The following ARHGAP9 variants were observed in gnomAD, a reference collection of about 807,000 sequenced individuals.
ARHGAP9 encodes Rho GTPase activating protein 9, also known as rho GTPase-activating protein 9.
ARHGAP9 carries 76 observed loss-of-function variants against 87.3 expected under a neutral mutation model. The observed-to-expected ratio is 0.87, with a 90% CI of 0.72 to 1.05. ARHGAP9 has a LOEUF of 1.05. Ranked by LOEUF, ARHGAP9 falls within the 50% of genes least tolerant of loss-of-function variation. ARHGAP9 has a pLI of 0.00. For synonymous variants in ARHGAP9, 382 were observed against 394.9 expected, an observed-to-expected ratio of 0.97 and a Z score of 0.39; for missense variants, 941 against 960.5, an observed-to-expected ratio of 0.98 and a Z score of 0.27.
At position 57,486,203 on chromosome 12, in the gene ARHGAP9, C is replaced by A. The variant is rs118120417; in HGVS notation, c.-203-2240G>T. ...AAAGATGAATAAGAAGCGTCCCTTT[C>A]TCAATAACAGGTATGTGCTTCCTTG... On this transcript the variant is annotated intron_variant, in intron 1 of 20. Transcript: ENST00000393797. Among the ~76,000 whole-genome samples the A allele has an allele frequency of 2.6e-3, 398 of 152,242 alleles. 14 individuals are homozygous for A. In the East Asian group the frequency reaches 0.061, roughly 23 times the overall value.
intron 1 of ARHGAP9, chr12:57,488,284 C>G (rs1875612502): frequency 3.1e-6 from 4 of 1,310,492 alleles, no homozygotes; most frequent in African/African-American, 2.9e-5. Flanking sequence ...TTGCCAAACC[C>G]CTAGCCCTCG....
intron 1 of ARHGAP9, chr12:57,488,162 C>A (rs1320124519): frequency 6.2e-7 from 1 of 1,614,146 alleles, no homozygotes; most frequent in African/African-American, 1.3e-5. Context: ...GAGCCCGGGG[C>A]AGAGCAGAGG....
At chr12:57,488,578 C>G in intron 1 of ARHGAP9, 1 of 1,550,966 alleles carries the variant, frequency 6.4e-7, no homozygotes, top group Non-Finnish European at 8.7e-7. Context: ...CCTCTCTCCC[C>G]TCCTAACACA....
chr12:57,473,298 A>G (rs1457046044), intron 17 of ARHGAP9, among the ~76,000 whole-genome samples: 1 of 152,130 alleles, frequency 6.6e-6, no homozygotes, highest in East Asian at 1.9e-4. Flanking sequence ...CTGTAATCCC[A>G]GTTACTCAGG....
chr12:57,478,622 C>G lies in ARHGAP9; in HGVS notation c.452G>C (p.Ser151Thr). 1 of 1,614,102 alleles carries G rather than the reference C, an allele frequency of 6.2e-7. No individual in the cohort carries two copies. The highest frequency in any genetic ancestry group is 8.5e-7 in the Non-Finnish European group (1 of 1,180,018). ...RSVSTDNLSP[S>T]LLKPFQEGPS... ...TCCTTCCTGGAAAGGCTTCAGAAGG[C>G]TGGGGCTCAGATTGTCAGTGCTGAC... Residue 151 changes from serine to threonine, a missense_variant, in exon 3 of 18, where the codon AGC becomes ACC. Physicochemically the swap from Ser to Thr is moderately conservative, Grantham distance 58. Coordinates refer to ENST00000393791, the MANE Select transcript of ARHGAP9 (RefSeq NM_032496.4).
chr12:57,476,783 G>A (rs1322866498), intron 6 of ARHGAP9, 88 bp downstream of exon 6: 21 of 1,241,354 alleles, frequency 1.7e-5, no homozygotes, highest in Non-Finnish European at 2.4e-5. Context: ...AGGATATTCA[G>A]AAAGAGGAAG....
Position 57,477,579 on chromosome 12 carries a change from C to G in ARHGAP9, c.636G>C (p.Leu212=), listed in dbSNP as rs1874219639. Residue 212 remains leucine, a synonymous_variant, in exon 4 of 18, where the codon CTG becomes CTC. Coordinates refer to ENST00000393791, the MANE Select transcript of ARHGAP9 (RefSeq NM_032496.4). Reference sequence around the variant, plus strand: ...GCTCCCAGGCATCCAGCCTCTGCAGCAGGGGGCATGCAGGGCCTGGGGGTG... The same window carrying G: ...GCTCCCAGGCATCCAGCCTCTGCAGGAGGGGGCATGCAGGGCCTGGGGGTG... ...RSPPPGPACP[L]LQRLDAWEQH... 5.0e-6 allele frequency: 8 copies of G among 1,613,062 alleles called. No homozygotes were observed. The highest frequency in any genetic ancestry group is 6.8e-6 in the Non-Finnish European group (8 of 1,179,538).
Position 57,485,441 on chromosome 12 carries a change from G to A in ARHGAP9, c.-203-1478C>T, listed in dbSNP as rs541369235. Among the ~76,000 whole-genome samples, 12 of 151,160 alleles carry A rather than the reference G, an allele frequency of 7.9e-5. No individual in the cohort carries two copies. The South Asian group carries it at 2.3e-3, about 29-fold the overall frequency. ...CATGGTGGCAGGTGTCTGTAATCCC[G>A]GCTACTAGGGAGGCTGAGGCAGGAG... On this transcript the variant is annotated intron_variant, in intron 1 of 20. Transcript: ENST00000393797.
At position 57,488,132 on chromosome 12, in the gene ARHGAP9, G is replaced by T. The variant is rs144002827; in HGVS notation, c.-204+480C>A. ...GTGATGGCGTCCCGGGTTGCTTGCCGGTGCTGGCCGCCGCCGGGAGAGCCC... is the reference window on the plus strand; with the variant it reads ...GTGATGGCGTCCCGGGTTGCTTGCCTGTGCTGGCCGCCGCCGGGAGAGCCC... On this transcript the variant is annotated intron_variant, in intron 1 of 20. Coordinates refer to the ARHGAP9 transcript ENST00000393797. The T allele has an allele frequency of 7.2e-5, 116 of 1,614,174 alleles. No individual in the cohort carries two copies. In the African/African-American group the frequency reaches 1.1e-3, roughly 15 times the overall value.
At chr12:57,476,246 G>T in intron 8 of ARHGAP9, 80 bp from the exon 9 acceptor site, 3 of 1,481,516 alleles carry the variant, frequency 2.0e-6, no homozygotes, top group Non-Finnish European at 2.7e-6. Flanking sequence ...GTGAGGAGGT[G>T]GGAGGCTTCC....
Position 57,473,687 on chromosome 12 carries a change from C to A in ARHGAP9, c.1940G>T (p.Cys647Phe). ...AALALSESEQ[C>F]LSQIQELIGS... ...TATTAATTCTTGTATCTGAGAGAGG[C>A]ACTGCTCTGATTCGGAGAGTGCTAG... is the stretch of plus-strand genomic sequence containing the variant. The change falls in exon 17 of 18, where the codon TGC becomes TTC. Residue 647 changes from cysteine to phenylalanine, a missense_variant. Coordinates refer to ENST00000393791, the MANE Select transcript of ARHGAP9 (RefSeq NM_032496.4). 1 of 1,614,062 alleles carries A rather than the reference C, an allele frequency of 6.2e-7. No homozygotes were observed. Among genetic ancestry groups the A allele is most frequent in the South Asian group, 1.1e-5 (1 of 91,082 alleles).
intron 2 of ARHGAP9, 132 bp downstream of exon 2, chr12:57,478,959 A>T: frequency 7.8e-7 from 1 of 1,287,704 alleles, no homozygotes; most frequent in Non-Finnish European, 1.1e-6. Context: ...TAGGCTGATC[A>T]AAGAAAAACA....
upstream of ARHGAP9, among the ~76,000 whole-genome samples, chr12:57,481,229 T>C (rs1036208943): frequency 1.3e-5 from 2 of 152,070 alleles, no homozygotes; most frequent in African/African-American, 2.4e-5. Flanking sequence ...GGTACCACCA[T>C]ATATATGTCT....
rs759336366 is a variant in ARHGAP9, at chr12:57,478,686, C to T, written c.388G>A (p.Glu130Lys). The change falls in exon 3 of 18, where the codon GAG (glutamate) becomes AAG (lysine). Residue 130 changes from glutamate to lysine, a missense_variant. Transcript: ENST00000393791. ...TTGCGGGGAAGTGGAGGAGGCTGCT[C>T]CGAGCTAGCCTGAGCCCTGCTTGGG... ...ALPSRAQASS[E>K]QPPPLPRKMC... 3 of 1,614,000 alleles carry T rather than the reference C, an allele frequency of 1.9e-6. No individual in the cohort carries two copies. In the African/African-American group the frequency reaches 4.0e-5, roughly 22 times the overall value.
At chr12:57,486,682 G>C (rs1405861362) in intron 1 of ARHGAP9, among the ~76,000 whole-genome samples, 11 of 148,890 alleles carry the variant, frequency 7.4e-5, no homozygotes, top group Non-Finnish European at 1.3e-4. Context: ...TCGGGGGATC[G>C]AGACCATCCT....
At chr12:57,476,043 C>T in intron 9 of ARHGAP9, 28 bp downstream of exon 9, 1 of 1,514,246 alleles carries the variant, frequency 6.6e-7, no homozygotes, top group African/African-American at 1.4e-5. Context: ...TCGGGTGGGG[C>T]CTTGGGGACG....
chr12:57,478,641 T>G lies in ARHGAP9; in HGVS notation c.433A>C (p.Thr145Pro), dbSNP rs540638334. The change falls in exon 3 of 18, where the codon ACT becomes CCT. Residue 145 changes from threonine (T) to proline (P), a missense_variant. Coordinates refer to ENST00000393791, the MANE Select transcript of ARHGAP9 (RefSeq NM_032496.4). ...AGAAGGCTGGGGCTCAGATTGTCAG[T>G]GCTGACGCTCCTACACATTTTGCGG... is the stretch of plus-strand genomic sequence containing the variant. ...LPRKMCRSVS[T>P]DNLSPSLLKP... 6 of 1,614,114 alleles carry G rather than the reference T, an allele frequency of 3.7e-6. No individual in the cohort carries two copies. In the African/African-American group the frequency reaches 8.0e-5, roughly 22 times the overall value.
intron 2 of ARHGAP9, 121 bp downstream of exon 2, chr12:57,478,970 A>G (rs2139956361): frequency 7.5e-7 from 1 of 1,330,370 alleles, no homozygotes; most frequent in Non-Finnish European, 1.0e-6. Context: ...AAGAAAAACA[A>G]GAGAAGATGG....
upstream of ARHGAP9, among the ~76,000 whole-genome samples, chr12:57,482,067 T>C (rs910404032): frequency 1.3e-5 from 2 of 152,160 alleles, no homozygotes; most frequent in African/African-American, 4.8e-5. Flanking sequence ...ACTGAACTTA[T>C]CACAAACCTG....
Sources: gnomAD v4.1 joint callset for allele counts (sites outside exome capture counted in the v4.1 genomes callset) on GRCh38, gnomAD v4.1.1 for gene constraint, MANE v1.5 for transcripts, NCBI Gene and HGNC (gene_info 2026-07-23, HGNC 2026-07-21) for gene names.